SYPL2: variants seen among roughly 807,000 people sequenced by gnomAD.
SYPL2 encodes synaptophysin-like protein 2.
In SYPL2, 24 loss-of-function variants were observed where a neutral mutation model predicts 31.3. The observed-to-expected ratio is 0.77, with a 90% CI of 0.56 to 1.08. The LOEUF is 1.08. Among genes scored for constraint, SYPL2 ranks in the 50% least tolerant of loss-of-function variants. The pLI is 0.00. For missense variants in SYPL2, 342 were observed against 360.1 expected (o/e 0.95, Z 0.41); for synonymous variants, 144 against 143.1 (o/e 1.01, Z -0.05).
At chr1:109,473,934 G>C (rs576941087) in intron 2 of SYPL2, among the ~76,000 whole-genome samples, 2 of 151,668 alleles carry the variant, frequency 1.3e-5, no homozygotes, top group East Asian at 3.9e-4. Context: ...TCAGAGAGCA[G>C]AGTGACTTAT....
rs199821906 is a variant in SYPL2 at position 109,475,645 on chromosome 1, G to A, written c.194G>A (p.Arg65His). The A allele has an allele frequency of 4.4e-4, 707 of 1,614,116 alleles. 5 individuals carry two copies. Among genetic ancestry groups the A allele is most frequent in the South Asian group, 1.5e-3 (136 of 91,070 alleles). Residue 65 changes from arginine (R) to histidine (H), a missense_variant, in exon 3 of 6, where the codon CGC becomes CAC. By Grantham distance (29) the Arg-to-His change is conservative. Coordinates refer to ENST00000369872, the MANE Select transcript of SYPL2 (RefSeq NM_001040709.2). The stretch of plus-strand genomic sequence containing the variant: ...AGCGGGGAGACAGGAGCAATGGTTC[G>A]CTGCAACAACGAAGCCAAGGACGTG... ...SYSGETGAMV[R>H]CNNEAKDVSS... is the part of the protein sequence containing the mutation.
intron 1 of SYPL2, 32 bp downstream of exon 1, chr1:109,466,929 C>A (rs1246785143): frequency 1.3e-6 from 2 of 1,532,336 alleles, no homozygotes; most frequent in Non-Finnish European, 1.7e-6. Context: ...CTCTCACCCG[C>A]CCCTCTCCAC....
chr1:109,479,299 A>G (rs1656094063), intron 5 of SYPL2, 79 bp from the exon 6 acceptor site: 2 of 1,523,178 alleles, frequency 1.3e-6, no homozygotes, highest in South Asian at 1.2e-5. Flanking sequence ...CCCAACCCCA[A>G]CTGCAATAGG....
In SYPL2 at chr1:109,475,652, C is replaced by A. The variant is rs777879017; in HGVS notation, c.201C>A (p.Asn67Lys). The part of the protein sequence containing the change: ...SGETGAMVRC[N>K]NEAKDVSSII... ...AGACAGGAGCAATGGTTCGCTGCAACAACGAAGCCAAGGACGTGAGCTCCA... is the reference window on the plus strand; with the variant it reads ...AGACAGGAGCAATGGTTCGCTGCAAAAACGAAGCCAAGGACGTGAGCTCCA... Residue 67 changes from asparagine to lysine, a missense_variant, in exon 3 of 6, where the codon AAC (asparagine) becomes AAA (lysine). Transcript: ENST00000369872. 1.2e-6 allele frequency: 2 copies of A among 1,614,154 alleles called. No individual in the cohort carries two copies.
Position 109,471,540 on chromosome 1 carries a change from G to T in SYPL2, c.130-4041G>T, listed in dbSNP as rs796485728. ...AGATAGTACCTGCTAGTCACATGAG[G>T]CTATTGGGCACTTGAAATGTGCCTA... On this transcript the variant is annotated intron_variant, in intron 2 of 5. Transcript: ENST00000369872. 5.3e-5 allele frequency among the ~76,000 whole-genome samples: 8 copies of T among 152,108 alleles called. 2 individuals carry two copies. Among genetic ancestry groups the T allele is most frequent in the African/African-American group, 1.9e-4 (8 of 41,492 alleles).
At position 109,475,581 on chromosome 1, in the gene SYPL2, C is replaced by T. The variant is rs770690513; in HGVS notation, c.130C>T (p.Leu44Phe). The change falls in exon 3 of 6, where the codon CTC becomes TTC. Residue 44 changes from leucine (L) to phenylalanine (F), a missense_variant and splice_region_variant. Coordinates refer to ENST00000369872, the MANE Select transcript of SYPL2 (RefSeq NM_001040709.2). ...TCAAAGAGGCTTCACTCTCTCTCAG[C>T]TCTTTGCTATTTTCGCCTTCGGGTC... is the stretch of plus-strand genomic sequence containing the variant. ...PLGFIKVLQW[L>F]FAIFAFGSCG... 1.9e-6 allele frequency: 3 copies of T among 1,613,958 alleles called. No homozygotes were observed. The highest frequency in any genetic ancestry group is 2.5e-6 in the Non-Finnish European group (3 of 1,179,852).
chr1:109,467,167 G>C (rs1029681196), intron 2 of SYPL2, 34 bp downstream of exon 2: 14 of 1,524,488 alleles, frequency 9.2e-6, no homozygotes, highest in Admixed American at 4.0e-5. Flanking sequence ...GCTATTTCGG[G>C]AGCCTGGGCT....
In SYPL2 at chr1:109,479,412, G is replaced by A; in HGVS notation, c.683G>A (p.Gly228Glu). 1.9e-6 allele frequency: 3 copies of A among 1,614,168 alleles called. No individual in the cohort carries two copies. The highest frequency in any genetic ancestry group is 2.5e-6 in the Non-Finnish European group (3 of 1,180,036). ...TTTATCAACTTCTTCCTGTGGGCCG[G>A]GAACTGTTGGTTTGTGTTCAAGGAG... is the stretch of plus-strand genomic sequence containing the variant. Reference protein sequence around the residue: ...FGFINFFLWAGNCWFVFKETP... With the variant: ...FGFINFFLWAENCWFVFKETP... Residue 228 changes from glycine (G) to glutamate (E), a missense_variant, in exon 6 of 6, where the codon GGG becomes GAG. Physicochemically the swap from Gly to Glu is moderately conservative, Grantham distance 98. Transcript: ENST00000369872.
At chr1:109,466,987 TG>T in intron 1 of SYPL2, 71 bp from the exon 2 acceptor site, 2 of 1,536,072 alleles carry the variant, frequency 1.3e-6, no homozygotes, top group Non-Finnish European at 1.7e-6. Flanking sequence ...CGCGTGTGAG[TG>T]GGGCAAGGGG....
At chr1:109,467,633 C>T (rs1476097726) in intron 2 of SYPL2, among the ~76,000 whole-genome samples, 1 of 152,152 alleles carries the variant, frequency 6.6e-6, no homozygotes, top group Non-Finnish European at 1.5e-5. Flanking sequence ...AGGCTCTCGG[C>T]TCGCCGTTCC....
intron 4 of SYPL2, among the ~76,000 whole-genome samples, 167 bp from the exon 5 acceptor site, chr1:109,477,651 G>A (rs1656041266): frequency 6.6e-6 from 1 of 152,164 alleles, no homozygotes; most frequent in South Asian, 2.1e-4. Flanking sequence ...TCCTTTGGGG[G>A]CAGTGAACAG....
chr1:109,477,025 G>T (rs867041451), intron 4 of SYPL2, 48 bp downstream of exon 4: 1 of 1,608,400 alleles, frequency 6.2e-7, no homozygotes, highest in Non-Finnish European at 8.5e-7. Context: ...ACAGATGTTT[G>T]TGAGGGGGTT....
intron 4 of SYPL2, 79 bp from the exon 5 acceptor site, chr1:109,477,739 G>T: frequency 6.5e-7 from 1 of 1,529,680 alleles, no homozygotes. Context: ...GGGATTGCCA[G>T]TATCATGGCA....
rs1209730973 is a variant in SYPL2, at chr1:109,481,140, C to T, written c.*1592C>T. ...AGTAACATGTGCATTACTGGGGTACCTAGGAGTCAGGACTTTTGACTTCAG... is the reference window on the plus strand; with the variant it reads ...AGTAACATGTGCATTACTGGGGTACTTAGGAGTCAGGACTTTTGACTTCAG... On this transcript the variant is annotated 3_prime_UTR_variant, in exon 6 of 6. Transcript: ENST00000369872. The T allele has an allele frequency of 6.6e-6, 1 of 152,650 alleles. No homozygotes were observed. The highest frequency in any genetic ancestry group is 1.5e-5 in the Non-Finnish European group (1 of 68,054). 9.5% of individuals were successfully genotyped at this position (152,650 alleles called of 1,614,324 possible).
intron 2 of SYPL2, among the ~76,000 whole-genome samples, chr1:109,471,662 G>A (rs757116566): frequency 9.1e-4 from 138 of 152,002 alleles, no homozygotes; most frequent in Non-Finnish European, 1.5e-3. Flanking sequence ...TGATTTGCCC[G>A]CCTTGGCCTC....
Position 109,476,768 on chromosome 1 carries a change from A to G in SYPL2, c.255-8A>G, listed in dbSNP as rs2101005725. 1 of 1,613,730 alleles carries G rather than the reference A, an allele frequency of 6.2e-7. No homozygotes were observed. The highest frequency in any genetic ancestry group is 1.1e-5 in the South Asian group (1 of 91,022). On this transcript the variant is annotated splice_region_variant and splice_polypyrimidine_tract_variant and intron_variant, in intron 3 of 5. Coordinates refer to ENST00000369872, the MANE Select transcript of SYPL2 (RefSeq NM_001040709.2). ...TGAGCTCAGGATGGCCTCCCCTGCC[A>G]CCTGCAGGTTGCACCGGATCCAATA...
intron 2 of SYPL2, among the ~76,000 whole-genome samples, chr1:109,472,552 T>A (rs1655864557): frequency 6.6e-6 from 1 of 151,580 alleles, no homozygotes; most frequent in Non-Finnish European, 1.5e-5. Flanking sequence ...GAAGGCTCCA[T>A]AACTGACCGT....
In SYPL2 at chr1:109,466,916, G is replaced by A; in HGVS notation, c.54+19G>A. On this transcript the variant is annotated intron_variant, in intron 1 of 5. Coordinates refer to ENST00000369872, the MANE Select transcript of SYPL2 (RefSeq NM_001040709.2). ...CCAGCAGGTAGTCCCTGCGCGCCCA[G>A]GACTCTCACCCGCCCCTCTCCACCT... The A allele has an allele frequency of 1.3e-6, 2 of 1,531,378 alleles. No homozygotes were observed. The highest frequency in any genetic ancestry group is 1.2e-5 in the South Asian group (1 of 83,850). The allele number at this position is 1,531,378 out of a possible 1,614,324, so 94.9% of individuals were successfully genotyped here.
chr1:109,477,720 T>G, intron 4 of SYPL2, 98 bp from the exon 5 acceptor site: 2 of 1,512,638 alleles, frequency 1.3e-6, no homozygotes, highest in South Asian at 2.6e-5. Flanking sequence ...GCAACTGTCC[T>G]GGCACCCTGG....
Sources: gnomAD v4.1 joint callset for allele counts (sites outside exome capture counted in the v4.1 genomes callset) on GRCh38, gnomAD v4.1.1 for gene constraint, MANE v1.5 for transcripts, NCBI Gene and HGNC (gene_info 2026-07-23, HGNC 2026-07-21) for gene names.